PTPRT: variants seen among roughly 807,000 people sequenced by gnomAD.
PTPRT encodes protein tyrosine phosphatase receptor type T.
PTPRT carries 56 observed loss-of-function variants against 176.8 expected under a neutral mutation model. The observed-to-expected ratio is 0.32, with a 90% confidence interval of 0.26 to 0.40. The LOEUF (loss-of-function observed/expected upper bound fraction) is 0.40, where lower values mean the gene tolerates loss of function less well. Among genes scored for constraint, PTPRT ranks in the 10% least tolerant of loss-of-function variants. The pLI, the probability that PTPRT is intolerant of heterozygous loss-of-function variation, is 1.00. For missense variants in PTPRT, 1,540 were observed against 1,908.2 expected (o/e 0.81, Z 3.60); for synonymous variants, 783 against 739.0 (o/e 1.06, Z -0.96).
chr20:42,114,638 C>T (rs569379965), intron 22 of PTPRT, among the ~76,000 whole-genome samples: 1 of 152,258 alleles, frequency 6.6e-6, no homozygotes, highest in South Asian at 2.1e-4. Context: ...CTGGCCTCTC[C>T]ACCCACTAGG....
At chr20:42,050,000 C>G in the PTPRT span, among the ~76,000 whole-genome samples, 1 of 152,262 alleles carries the variant, frequency 6.6e-6, no homozygotes, top group South Asian at 2.1e-4. Flanking sequence ...TCTGAGCATA[C>G]CATCAGCATA....
intron 6 of PTPRT, among the ~76,000 whole-genome samples, chr20:42,711,019 C>T (rs1321934764): frequency 9.2e-5 from 14 of 152,234 alleles, no homozygotes; most frequent in South Asian, 6.2e-4. Flanking sequence ...CCCTTTTCTT[C>T]GGGCCAATTT....
At chr20:42,192,764 T>C (rs1226820691) in intron 16 of PTPRT, among the ~76,000 whole-genome samples, 1 of 152,212 alleles carries the variant, frequency 6.6e-6, no homozygotes, top group Non-Finnish European at 1.5e-5. Context: ...GCAGGGGCCA[T>C]TCTTTGCTCC....
chr20:42,048,637 C>T, the PTPRT span, among the ~76,000 whole-genome samples: 1 of 152,118 alleles, frequency 6.6e-6, no homozygotes, highest in African/African-American at 2.4e-5. Flanking sequence ...GACATGTGAG[C>T]AAGAATGCCT....
At chr20:43,019,061 C>T (rs935220768) in intron 1 of PTPRT, among the ~76,000 whole-genome samples, 26 of 152,172 alleles carry the variant, frequency 1.7e-4, no homozygotes, top group African/African-American at 6.3e-4. Context: ...TTTGAAATAT[C>T]CTAAATGCCC....
chr20:42,999,653 T>TG (rs1483526926), intron 1 of PTPRT, among the ~76,000 whole-genome samples: 2 of 151,908 alleles, frequency 1.3e-5, no homozygotes, highest in Non-Finnish European at 2.9e-5. Flanking sequence ...TTGTTGTTGT[T>TG]TTAATCAGCT....
chr20:42,885,742 C>T, intron 2 of PTPRT, 65 bp downstream of exon 2: 1 of 1,552,274 alleles, frequency 6.4e-7, no homozygotes, highest in South Asian at 1.1e-5. Context: ...TAAGTTCTTC[C>T]CCCCATGATT....
chr20:42,560,490 C>T (rs994134424), intron 7 of PTPRT, among the ~76,000 whole-genome samples: 3 of 152,160 alleles, frequency 2.0e-5, no homozygotes, highest in Admixed American at 6.5e-5. Context: ...GTAGCACACT[C>T]GCCAGGTTGT....
intron 1 of PTPRT, among the ~76,000 whole-genome samples, chr20:42,949,563 G>A (rs1981101208): frequency 6.6e-6 from 1 of 152,186 alleles, no homozygotes; most frequent in African/African-American, 2.4e-5. Context: ...ATTCATTTGA[G>A]CTGGCCAGCC....
At chr20:42,195,200 G>C (rs914134095) in intron 16 of PTPRT, among the ~76,000 whole-genome samples, 1 of 152,114 alleles carries the variant, frequency 6.6e-6, no homozygotes, top group Non-Finnish European at 1.5e-5. Context: ...CCTATGCAGG[G>C]ACAGGTAGAA....
intron 9 of PTPRT, among the ~76,000 whole-genome samples, chr20:42,407,699 A>G (rs1001302653): frequency 6.6e-6 from 1 of 152,212 alleles, no homozygotes; most frequent in African/African-American, 2.4e-5. Context: ...CTCAGGAAAA[A>G]TATTTTAAAA....
At chr20:43,116,833 G>A (rs986980634) in intron 1 of PTPRT, among the ~76,000 whole-genome samples, 1 of 152,114 alleles carries the variant, frequency 6.6e-6, no homozygotes, top group African/African-American at 2.4e-5. Context: ...CATCAAATGT[G>A]GACTCCATGT....
chr20:42,627,768 A>G (rs59263549), intron 7 of PTPRT, among the ~76,000 whole-genome samples: 18,279 of 151,846 alleles, frequency 0.12, 1,160 homozygotes, highest in South Asian at 0.14. Context: ...TTTTTTTTAA[A>G]AAAAGCTTCT....
At chr20:42,319,843 G>T (rs1025481728) in intron 11 of PTPRT, among the ~76,000 whole-genome samples, 1 of 152,096 alleles carries the variant, frequency 6.6e-6, no homozygotes, top group Non-Finnish European at 1.5e-5. Flanking sequence ...AAATGTGAAT[G>T]ACCTCCCTTT....
At chr20:42,600,633 T>C (rs979839209) in intron 7 of PTPRT, among the ~76,000 whole-genome samples, 3 of 152,120 alleles carry the variant, frequency 2.0e-5, no homozygotes, top group African/African-American at 4.8e-5. Flanking sequence ...CCTTTTAGGG[T>C]TTCCAATGTC....
chr20:42,167,900 G>A (rs1286009832), intron 16 of PTPRT, among the ~76,000 whole-genome samples: 2 of 152,174 alleles, frequency 1.3e-5, no homozygotes, highest in African/African-American at 4.8e-5. Flanking sequence ...GAAAATCCAT[G>A]TATAACTTAT....
At chr20:42,091,796 GGA>G (rs142391988) in intron 27 of PTPRT, among the ~76,000 whole-genome samples, 12,016 of 152,054 alleles carry the variant, frequency 0.079, 1,223 homozygotes, top group African/African-American at 0.23. Context: ...AGAAAGAGAG[GGA>G]GAGAGAGGGG....
intron 16 of PTPRT, among the ~76,000 whole-genome samples, chr20:42,174,038 A>G (rs1990182650): frequency 6.6e-6 from 1 of 152,196 alleles, no homozygotes; most frequent in Admixed American, 6.6e-5. Flanking sequence ...GGATTCCCAG[A>G]GAGTGTATTA....
intron 1 of PTPRT, among the ~76,000 whole-genome samples, chr20:42,931,276 G>A (rs145718470): frequency 7.9e-5 from 12 of 152,348 alleles, no homozygotes; most frequent in Non-Finnish European, 1.2e-4. Flanking sequence ...AATGGGATTG[G>A]TGGAGGGTGA....
Sources: allele counts gnomAD v4.1 joint callset (sites outside exome capture counted in the v4.1 genomes callset), GRCh38; gene constraint gnomAD v4.1.1; transcripts MANE v1.5; gene names NCBI Gene and HGNC (gene_info 2026-07-23, HGNC 2026-07-21).